Variants in DLGAP2 observed in about 807,000 individuals in gnomAD.
The protein encoded by DLGAP2 is disks large-associated protein 2.
A neutral mutation model predicts 100.3 loss-of-function variants in DLGAP2; 26 were observed. That is an observed-to-expected ratio of 0.26 (90% CI 0.19 to 0.36). DLGAP2 has a LOEUF of 0.36. DLGAP2 is among the 10% of genes least tolerant of loss of function. DLGAP2 has a pLI of 1.00. For missense variants in DLGAP2, 1,858 were observed against 1,453.2 expected (o/e 1.28, Z -4.53); for synonymous variants, 886 against 630.1 (o/e 1.41, Z -6.08).
In DLGAP2 at chr8:1,430,021, TATATATACAC is replaced by T. The variant is rs1402308170; in HGVS notation, c.107-71343_107-71334del. On this transcript the variant is annotated intron_variant, in intron 3 of 14. Transcript: ENST00000637795. Reference sequence around the variant, plus strand: ...GCATATATATACATATATATATATATATATATACACACACACACATATGAACTTAGAATTC... The same window carrying T: ...GCATATATATACATATATATATATATACACACACATATGAACTTAGAATTC... 1.5e-3 allele frequency among the ~76,000 whole-genome samples: 145 copies of T among 95,608 alleles called. 12 individuals are homozygous for T. The highest frequency in any genetic ancestry group is 1.7e-3 in the Non-Finnish European group (86 of 49,516). 62.7% of individuals were successfully genotyped at this position (95,608 alleles called of 152,430 possible).
At position 1,592,110 on chromosome 8, in the gene DLGAP2, C is replaced by T. The variant is rs546461946; in HGVS notation, c.1442+26216C>T. Among the ~76,000 whole-genome samples the T allele has an allele frequency of 2.0e-5, 3 of 152,166 alleles. No individual in the cohort carries two copies. The South Asian group carries it at 6.2e-4, about 32-fold the overall frequency. ...TTGGGCCCAGACACACAAACAGCTGCGATGGGTGCAGAGCAAGGTGCCCCA... is the reference window on the plus strand; with the variant it reads ...TTGGGCCCAGACACACAAACAGCTGTGATGGGTGCAGAGCAAGGTGCCCCA... On this transcript the variant is annotated intron_variant, in intron 6 of 14. Transcript: ENST00000637795.
chr8:1,444,430 T>G (rs1797924680), intron 3 of DLGAP2, among the ~76,000 whole-genome samples: 1 of 152,238 alleles, frequency 6.6e-6, no homozygotes, highest in Non-Finnish European at 1.5e-5. Context: ...TCTACAATAT[T>G]TCCATATTTA....
chr8:1,424,300 A>C (rs960448662), intron 3 of DLGAP2, among the ~76,000 whole-genome samples: 1 of 152,238 alleles, frequency 6.6e-6, no homozygotes, highest in Non-Finnish European at 1.5e-5. Flanking sequence ...TCTAAAGACA[A>C]CAGAGACTTA....
chr8:1,303,504 G>C (rs1190242581), intron 3 of DLGAP2, among the ~76,000 whole-genome samples: 2 of 152,028 alleles, frequency 1.3e-5, no homozygotes, highest in Admixed American at 6.6e-5. Context: ...TAAGATCTCA[G>C]CTTCGCAGAC....
intron 2 of DLGAP2, among the ~76,000 whole-genome samples, chr8:1,207,358 C>G (rs552930856): frequency 3.7e-4 from 56 of 152,342 alleles, no homozygotes; most frequent in African/African-American, 1.3e-3. Flanking sequence ...TGTTACTTCA[C>G]TTTGAATAAT....
chr8:1,665,977 C>T lies in DLGAP2; in HGVS notation c.1811-2352C>T, dbSNP rs1048832924. On this transcript the variant is annotated intron_variant, in intron 8 of 14. Transcript: ENST00000637795. ...CCCTTGATAAATCAGCGCTGTGAAA[C>T]ACTGCCAGGAAAGGCGTCATCAGAA... Among the ~76,000 whole-genome samples the T allele has an allele frequency of 2.6e-5, 4 of 152,324 alleles. No homozygotes were observed. In the East Asian group the frequency reaches 7.7e-4, roughly 29 times the overall value.
At chr8:1,165,808 C>G (rs1797003574) in intron 2 of DLGAP2, among the ~76,000 whole-genome samples, 1 of 151,700 alleles carries the variant, frequency 6.6e-6, no homozygotes, top group Non-Finnish European at 1.5e-5. Flanking sequence ...AAATTTTCTT[C>G]TTTGGCTATC....
intron 2 of DLGAP2, among the ~76,000 whole-genome samples, chr8:1,122,131 A>G (rs1796063492): frequency 6.6e-6 from 1 of 152,062 alleles, no homozygotes; most frequent in Admixed American, 6.5e-5. Context: ...TGGTGTTACT[A>G]CGGTTACCAT....
At chr8:1,224,566 C>G (rs1798377744) in intron 2 of DLGAP2, among the ~76,000 whole-genome samples, 1 of 151,984 alleles carries the variant, frequency 6.6e-6, no homozygotes, top group Non-Finnish European at 1.5e-5. Context: ...GAAACTGTAA[C>G]TTTATTATTT....
intron 3 of DLGAP2, among the ~76,000 whole-genome samples, chr8:1,315,513 C>T (rs1225813354): frequency 7.0e-6 from 1 of 143,316 alleles, no homozygotes; most frequent in African/African-American, 2.7e-5. Flanking sequence ...GCGAGTGCAG[C>T]GTCTCTCCAA....
At chr8:1,122,133 G>A (rs190146393) in intron 2 of DLGAP2, among the ~76,000 whole-genome samples, 5 of 152,222 alleles carry the variant, frequency 3.3e-5, no homozygotes, top group East Asian at 3.9e-4. Context: ...GTGTTACTAC[G>A]GTTACCATCA....
At chr8:1,128,488 G>T (rs180771910) in intron 2 of DLGAP2, among the ~76,000 whole-genome samples, 2 of 152,340 alleles carry the variant, frequency 1.3e-5, no homozygotes, top group African/African-American at 4.8e-5. Context: ...CTGTGTTCCA[G>T]CTGCCTGCAG....
intron 3 of DLGAP2, among the ~76,000 whole-genome samples, chr8:1,374,508 C>T (rs995159018): frequency 2.0e-5 from 3 of 152,142 alleles, no homozygotes; most frequent in Admixed American, 6.5e-5. Flanking sequence ...GGCTTCTGTT[C>T]GCTCCAATTT....
intron 3 of DLGAP2, among the ~76,000 whole-genome samples, chr8:1,312,958 A>G (rs192135483): frequency 6.6e-6 from 1 of 152,366 alleles, no homozygotes; most frequent in African/African-American, 2.4e-5. Flanking sequence ...CCTGATCTCA[A>G]AGATAGTGTG....
At chr8:1,638,747 G>T (rs1476079710) in intron 8 of DLGAP2, among the ~76,000 whole-genome samples, 2 of 152,336 alleles carry the variant, frequency 1.3e-5, no homozygotes, top group South Asian at 4.1e-4. Flanking sequence ...CATGCAGGCA[G>T]GGAGTCTCCA....
chr8:1,350,804 G>A lies in DLGAP2; in HGVS notation c.106+91921G>A, dbSNP rs1801701747. Among the ~76,000 whole-genome samples the A allele has an allele frequency of 3.8e-5, 2 of 52,342 alleles. 1 individual carries two copies. Among genetic ancestry groups the A allele is most frequent in the Non-Finnish European group, 7.6e-5 (2 of 26,384 alleles). 34.3% of individuals were successfully genotyped at this position (52,342 alleles called of 152,430 possible). Reference sequence around the variant, plus strand: ...AAGGCCGTGCGGGTCCTGAGTGTGCGTGGAAAGGCCATGCGGGTCCTGAGT... The same window carrying A: ...AAGGCCGTGCGGGTCCTGAGTGTGCATGGAAAGGCCATGCGGGTCCTGAGT... On this transcript the variant is annotated intron_variant, in intron 3 of 14. Coordinates refer to ENST00000637795, the MANE Select transcript of DLGAP2 (RefSeq NM_001346810.2).
intron 3 of DLGAP2, among the ~76,000 whole-genome samples, chr8:1,287,740 A>G (rs1436607802): frequency 2.9e-5 from 2 of 68,744 alleles, no homozygotes; most frequent in Non-Finnish European, 5.0e-5. Context: ...TGGTTCTGTT[A>G]GGGGAACTAG....
chr8:1,662,905 G>A (rs1476163737), intron 8 of DLGAP2, among the ~76,000 whole-genome samples: 1 of 149,064 alleles, frequency 6.7e-6, no homozygotes, highest in Admixed American at 6.7e-5. Context: ...GTGAGTGTGG[G>A]GGATGCATGT....
intron 2 of DLGAP2, among the ~76,000 whole-genome samples, chr8:1,135,348 G>C (rs1384706783): frequency 6.6e-6 from 1 of 152,154 alleles, no homozygotes; most frequent in Non-Finnish European, 1.5e-5. Flanking sequence ...CAAAAGCAAA[G>C]CTAAGGACCC....
Sources: allele counts gnomAD v4.1 joint callset (sites outside exome capture counted in the v4.1 genomes callset), GRCh38; gene constraint gnomAD v4.1.1; transcripts MANE v1.5; gene names NCBI Gene and HGNC (gene_info 2026-07-23, HGNC 2026-07-21).